PLCL1: variants seen among roughly 807,000 people sequenced by gnomAD.
The protein encoded by PLCL1 is inactive phospholipase C-like protein 1.
In PLCL1, 41 loss-of-function variants were observed where a neutral mutation model predicts 84.4. That is an observed-to-expected ratio of 0.49 (90% CI 0.38 to 0.63). The LOEUF is 0.63. Ranked by LOEUF, PLCL1 falls within the 30% of genes least tolerant of loss-of-function variation. The probability of loss-of-function intolerance (pLI) is 0.00; values close to 1 mark genes in which losing one functional copy is unlikely to be tolerated. For missense variants in PLCL1, 1,206 were observed against 1,367.8 expected (o/e 0.88, Z 1.87); for synonymous variants, 490 against 488.3 (o/e 1.00, Z -0.05).
At chr2:197,964,304 G>T (rs1689684327) in intron 1 of PLCL1, among the ~76,000 whole-genome samples, 1 of 151,942 alleles carries the variant, frequency 6.6e-6, no homozygotes, top group Non-Finnish European at 1.5e-5. Context: ...TCATTGTAGA[G>T]ATCTTTCAGT....
chr2:198,025,365 T>G (rs1691240010), intron 1 of PLCL1, among the ~76,000 whole-genome samples: 1 of 152,014 alleles, frequency 6.6e-6, no homozygotes, highest in Admixed American at 6.6e-5. Context: ...TGTAGTATAC[T>G]AGATGCACTC....
chr2:197,885,807 C>G (rs1687912428), intron 1 of PLCL1, among the ~76,000 whole-genome samples: 1 of 152,152 alleles, frequency 6.6e-6, no homozygotes, highest in Admixed American at 6.5e-5. Context: ...AAATTTTGGC[C>G]ATGTGCTGAA....
rs114643056 is a variant in PLCL1, at chr2:197,881,688, A to G, written c.240+76349A>G. 1.3e-3 allele frequency among the ~76,000 whole-genome samples: 197 copies of G among 152,192 alleles called. 1 individual carries two copies. The highest frequency in any genetic ancestry group is 2.3e-3 in the Non-Finnish European group (156 of 67,992). ...AGTATGCTGTTTGAATGCATGTTTT[A>G]GTGCTTTTATTAGTCTGTATGTTCT... On this transcript the variant is annotated intron_variant, in intron 1 of 5. Coordinates refer to ENST00000428675, the MANE Select transcript of PLCL1 (RefSeq NM_006226.4).
chr2:197,906,922 A>C lies in PLCL1; in HGVS notation c.240+101583A>C, dbSNP rs192807485. 2.2e-3 allele frequency among the ~76,000 whole-genome samples: 333 copies of C among 152,292 alleles called. 3 individuals are homozygous for C. The highest frequency in any genetic ancestry group is 7.5e-3 in the African/African-American group (310 of 41,560). On this transcript the variant is annotated intron_variant, in intron 1 of 5. Coordinates refer to ENST00000428675, the MANE Select transcript of PLCL1 (RefSeq NM_006226.4). ...TTTTACACATTTATTTTGTATCCTG[A>C]GACTTTGCTGAAGTTGCTTATCAGC... is the stretch of plus-strand genomic sequence containing the variant.
In PLCL1 at chr2:197,990,711, A is replaced by C. The variant is rs191610732; in HGVS notation, c.241-93047A>C. 2.2e-3 allele frequency among the ~76,000 whole-genome samples: 335 copies of C among 152,314 alleles called. 1 individual carries two copies. The highest frequency in any genetic ancestry group is 7.7e-3 in the African/African-American group (322 of 41,562). ...TAAGGATTATGGCAGCTACAATTCA[A>C]GATGAGATTTGAGTGGGGACACAGC... is the stretch of plus-strand genomic sequence containing the variant. On this transcript the variant is annotated intron_variant, in intron 1 of 5. Transcript: ENST00000428675.
At chr2:197,945,613 T>C (rs1186545457) in intron 1 of PLCL1, among the ~76,000 whole-genome samples, 1 of 152,182 alleles carries the variant, frequency 6.6e-6, no homozygotes, top group Non-Finnish European at 1.5e-5. Flanking sequence ...CTCTGTCAAT[T>C]GCTGATTGTG....
chr2:197,923,915 G>C (rs1189616476), intron 1 of PLCL1, among the ~76,000 whole-genome samples: 2 of 151,638 alleles, frequency 1.3e-5, no homozygotes, highest in Non-Finnish European at 2.9e-5. Flanking sequence ...CGGCACCTCG[G>C]GAGGCCAAGG....
intron 1 of PLCL1, among the ~76,000 whole-genome samples, chr2:197,840,821 T>C (rs946776928): frequency 2.0e-5 from 3 of 152,128 alleles, no homozygotes; most frequent in Admixed American, 6.5e-5. Flanking sequence ...GTTTTATCAG[T>C]TGAGGGAGAT....
rs1694594218 is a variant in PLCL1, at chr2:198,149,452, G to A, written c.*2490G>A. The A allele has an allele frequency of 6.6e-6, 1 of 152,112 alleles. No homozygotes were observed. Among genetic ancestry groups the A allele is most frequent in the African/African-American group, 2.4e-5 (1 of 41,412 alleles). 9.4% of individuals were successfully genotyped at this position (152,112 alleles called of 1,614,324 possible). ...GCCCAAAGCCACTGAGGTAATTAAT[G>A]GAATAATTGATTTTGAACTTGGGTC... On this transcript the variant is annotated 3_prime_UTR_variant, in exon 6 of 6. Transcript: ENST00000428675.
intron 1 of PLCL1, among the ~76,000 whole-genome samples, chr2:197,860,610 G>T (rs1687411997): frequency 6.6e-6 from 1 of 152,042 alleles, no homozygotes; most frequent in Non-Finnish European, 1.5e-5. Flanking sequence ...GTTTTGATTT[G>T]CATTTCTCTA....
chr2:198,086,051 T>C lies in PLCL1; in HGVS notation c.2534T>C (p.Ile845Thr). Residue 845 changes from isoleucine to threonine, a missense_variant, in exon 2 of 6, where the codon ATA becomes ACA. By Grantham distance (89) the Ile-to-Thr change is moderately conservative. Transcript: ENST00000428675. ...IMEHVTLFVH[I>T]AITNRSGGGK... ...GAGCACGTAACCCTTTTTGTCCACA[T>C]AGCAATAACTAATCGAAGTGGAGGA... 6.2e-7 allele frequency: 1 copy of C among 1,614,080 alleles called. No individual in the cohort carries two copies. The highest frequency in any genetic ancestry group is 1.1e-5 in the South Asian group (1 of 91,076).
chr2:197,966,051 G>A (rs536022115), intron 1 of PLCL1, among the ~76,000 whole-genome samples: 2 of 152,152 alleles, frequency 1.3e-5, no homozygotes, highest in South Asian at 2.1e-4. Flanking sequence ...CTGGCTCAGG[G>A]TGTGTCTAGA....
intron 5 of PLCL1, among the ~76,000 whole-genome samples, chr2:198,144,572 A>T (rs976252041): frequency 6.6e-6 from 1 of 152,202 alleles, no homozygotes; most frequent in African/African-American, 2.4e-5. Context: ...TTAAATCATA[A>T]AGAGCTCTTC....
chr2:197,941,957 G>A (rs1689167920), intron 1 of PLCL1, among the ~76,000 whole-genome samples: 1 of 151,990 alleles, frequency 6.6e-6, no homozygotes, highest in Non-Finnish European at 1.5e-5. Context: ...GAGTTTCTGG[G>A]GATGGAACTG....
At chr2:197,829,214 T>C (rs577732625) in intron 1 of PLCL1, among the ~76,000 whole-genome samples, 1 of 152,330 alleles carries the variant, frequency 6.6e-6, no homozygotes, top group Admixed American at 6.5e-5. Flanking sequence ...GGGTAGACTA[T>C]AGGTAATAGT....
At chr2:197,839,887 C>A (rs137958194) in intron 1 of PLCL1, among the ~76,000 whole-genome samples, 1,735 of 152,170 alleles carry the variant, frequency 0.011, 27 homozygotes, top group Admixed American at 0.022. Context: ...CTTTTCATTT[C>A]TTTTGTGGTT....
At chr2:198,063,157 T>C (rs1173432021) in intron 1 of PLCL1, among the ~76,000 whole-genome samples, 1 of 151,400 alleles carries the variant, frequency 6.6e-6, no homozygotes, top group Non-Finnish European at 1.5e-5. Flanking sequence ...CTTAATACTA[T>C]ACTTTACTGA....
chr2:198,057,765 A>G (rs891318628), intron 1 of PLCL1, among the ~76,000 whole-genome samples: 1 of 152,230 alleles, frequency 6.6e-6, no homozygotes, highest in African/African-American at 2.4e-5. Flanking sequence ...AGTCACAGCT[A>G]GGCGTGGCGA....
At chr2:197,983,992 C>A (rs1414154342) in intron 1 of PLCL1, among the ~76,000 whole-genome samples, 4 of 152,102 alleles carry the variant, frequency 2.6e-5, no homozygotes, top group African/African-American at 9.7e-5. Flanking sequence ...TTCCATATGC[C>A]TTCAAGGGAA....
Sources: gnomAD v4.1 joint callset for allele counts (sites outside exome capture counted in the v4.1 genomes callset) on GRCh38, gnomAD v4.1.1 for gene constraint, MANE v1.5 for transcripts, NCBI Gene and HGNC (gene_info 2026-07-23, HGNC 2026-07-21) for gene names.